SLC12A9: variants seen among roughly 807,000 people sequenced by gnomAD.
The protein encoded by SLC12A9 is CCC-interacting protein 1.
SLC12A9 carries 55 observed loss-of-function variants against 66.0 expected under a neutral mutation model. The ratio of observed to expected loss-of-function variants is 0.83; its 90% CI spans 0.67 to 1.04. SLC12A9 has a LOEUF of 1.04. Ranked by LOEUF, SLC12A9 falls within the 50% of genes least tolerant of loss-of-function variation. SLC12A9 has a pLI of 0.00. For missense variants in SLC12A9, 1,061 were observed against 1,241.9 expected (o/e 0.85, Z 2.19); for synonymous variants, 577 against 569.0 (o/e 1.01, Z -0.20).
chr7:100,860,754 ACT>A (rs1215272766), intron 9 of SLC12A9: 7 of 387,252 alleles, frequency 1.8e-5, no homozygotes, highest in Non-Finnish European at 3.5e-5. Context: ...GTGCACTGGC[ACT>A]CTCTGGGGTT....
chr7:100,850,330 G>A (rs1346717287), upstream of SLC12A9, among the ~76,000 whole-genome samples: 1 of 147,970 alleles, frequency 6.8e-6, no homozygotes, highest in Non-Finnish European at 1.5e-5. Flanking sequence ...TAGGATCATA[G>A]CTCACCACAG....
intron 1 of SLC12A9, among the ~76,000 whole-genome samples, chr7:100,835,045 TTAAAA>T (rs775202397): frequency 1.6e-4 from 24 of 150,958 alleles, no homozygotes; most frequent in Non-Finnish European, 2.1e-4. Context: ...ACAAAAAAAA[TTAAAA>T]TAAACAAACA....
chr7:100,828,663 C>T (rs929627351), intron 1 of SLC12A9, among the ~76,000 whole-genome samples: 2 of 152,118 alleles, frequency 1.3e-5, no homozygotes, highest in Non-Finnish European at 2.9e-5. Context: ...GGGGGCTTCC[C>T]CGCCGCCCGC....
intron 1 of SLC12A9, among the ~76,000 whole-genome samples, chr7:100,836,480 C>G (rs569816936): frequency 4.6e-5 from 7 of 152,100 alleles, no homozygotes; most frequent in Non-Finnish European, 1.0e-4. Context: ...GAAAACCCAC[C>G]CCCCGCTCCA....
intron 1 of SLC12A9, among the ~76,000 whole-genome samples, chr7:100,841,898 A>G (rs1265033692): frequency 2.0e-5 from 3 of 152,188 alleles, no homozygotes; most frequent in Non-Finnish European, 4.4e-5. Context: ...TTTAAAACAA[A>G]AAGACATTTT....
At chr7:100,841,146 ATAAAT>A (rs886409538) in intron 1 of SLC12A9, among the ~76,000 whole-genome samples, 2 of 152,188 alleles carry the variant, frequency 1.3e-5, no homozygotes, top group African/African-American at 4.8e-5. Context: ...TTGTCCTGAA[ATAAAT>A]TAACTGGTTT....
chr7:100,865,345 T>TGGTTTGCACAACAGAGTCAAACTC (rs1454175892), intron 13 of SLC12A9: 1 of 1,536,034 alleles, frequency 6.5e-7, no homozygotes, highest in East Asian at 2.4e-5. Flanking sequence ...TCAGGGTGTC[T>TGGTTTGCACAACAGAGTCAAACTC]GGTTTGCACA....
In SLC12A9 at chr7:100,866,409, G is replaced by C. The variant is rs1474239781; in HGVS notation, c.2549G>C (p.Gly850Ala). 6.5e-7 allele frequency: 1 copy of C among 1,542,918 alleles called. No individual in the cohort carries two copies. Among genetic ancestry groups the C allele is most frequent in the East Asian group, 2.4e-5 (1 of 40,836 alleles). The change falls in exon 14 of 14, where the codon GGA becomes GCA. Residue 850 changes from glycine to alanine, a missense_variant. Transcript: ENST00000354161. This position sits in a 1 kb window ranked among gnomAD's most constrained non-coding sequence, Gnocchi z 7.3. ...LVRAQQGRGT[G>A]GGPGGPEGGD... Reference sequence around the variant, plus strand: ...CGGGCCCAGCAGGGGCGCGGCACAGGAGGAGGGCCGGGTGGGCCGGAGGGT... The same window carrying C: ...CGGGCCCAGCAGGGGCGCGGCACAGCAGGAGGGCCGGGTGGGCCGGAGGGT...
At position 100,857,182 on chromosome 7, in the gene SLC12A9, C is replaced by A; in HGVS notation, c.757+6C>A. Reference sequence around the variant, plus strand: ...CCTGAAGGACAACTTGGGCGGTGAGCTGGGTGCTGCCGTGGCAGGGATCTC... The same window carrying A: ...CCTGAAGGACAACTTGGGCGGTGAGATGGGTGCTGCCGTGGCAGGGATCTC... On this transcript the variant is annotated splice_donor_region_variant and intron_variant, in intron 5 of 13. Coordinates refer to ENST00000354161, the MANE Select transcript of SLC12A9 (RefSeq NM_020246.4). 1.9e-6 allele frequency: 3 copies of A among 1,605,098 alleles called. No homozygotes were observed. In the South Asian group the frequency reaches 3.3e-5, roughly 18 times the overall value.
At chr7:100,829,906 T>C (rs2116487429) in intron 1 of SLC12A9, among the ~76,000 whole-genome samples, 1 of 151,700 alleles carries the variant, frequency 6.6e-6, no homozygotes, top group African/African-American at 2.4e-5. Context: ...CACACACCTG[T>C]AGTCCCAGCT....
At chr7:100,829,110 C>T in intron 1 of SLC12A9, among the ~76,000 whole-genome samples, 1 of 152,026 alleles carries the variant, frequency 6.6e-6, no homozygotes, top group African/African-American at 2.4e-5. Flanking sequence ...GCCTCAGCCT[C>T]CCGAGTAGCT....
At position 100,854,748 on chromosome 7, in the gene SLC12A9, G is replaced by A. The variant is rs767234195; in HGVS notation, c.310G>A (p.Ala104Thr). The A allele has an allele frequency of 3.7e-6, 6 of 1,613,990 alleles. No homozygotes were observed. Among genetic ancestry groups the A allele is most frequent in the Non-Finnish European group, 5.1e-6 (6 of 1,180,020 alleles). Reference sequence around the variant, plus strand: ...CAATGGAGCCGTGCAGGGGGGCGGAGCCTACTGTATCCTCCAACATCGATG... The same window carrying A: ...CAATGGAGCCGTGCAGGGGGGCGGAACCTACTGTATCCTCCAACATCGATG... ...ATNGAVQGGG[A>T]YFMISRTLGP... Residue 104 changes from alanine to threonine, a missense_variant, in exon 3 of 14, where the codon GCC (alanine) becomes ACC (threonine). Ala to Thr is a moderately conservative substitution (Grantham distance 58). Coordinates refer to ENST00000354161, the MANE Select transcript of SLC12A9 (RefSeq NM_020246.4).
chr7:100,843,567 A>G (rs1042864318), intron 1 of SLC12A9, among the ~76,000 whole-genome samples: 3 of 152,250 alleles, frequency 2.0e-5, no homozygotes, highest in South Asian at 2.1e-4. Flanking sequence ...CCAGTGGCCT[A>G]TCTCTCAAAA....
At position 100,865,638 on chromosome 7, in the gene SLC12A9, G is replaced by T. The variant is rs1036611526; in HGVS notation, c.1859-81G>T. 2.7e-5 allele frequency: 42 copies of T among 1,556,024 alleles called. No individual in the cohort carries two copies. The African/African-American group carries it at 5.6e-4, about 21-fold the overall frequency. On this transcript the variant is annotated intron_variant, in intron 13 of 13. Coordinates refer to ENST00000354161, the MANE Select transcript of SLC12A9 (RefSeq NM_020246.4). ...ATACCTATGGCTGACGCACCTTGCT[G>T]TCAGTGTGTGGGAGCGTGGTGTAAA...
In SLC12A9 at chr7:100,854,311, C is replaced by T. The variant is rs1329277414; in HGVS notation, c.114C>T (p.Ser38=). 3.1e-6 allele frequency: 5 copies of T among 1,607,050 alleles called. No homozygotes were observed. The highest frequency in any genetic ancestry group is 4.2e-6 in the Non-Finnish European group (5 of 1,178,238). The change falls in exon 2 of 14, where the codon TCC becomes TCT. Residue 38 remains serine (S), a synonymous_variant. Transcript: ENST00000354161. ...GPGGASARKL[S]TFLGVVVPTV... ...GAGGGGCGTCTGCCCGGAAGCTGTC[C>T]ACCTTCCTGGGTGTGGTGGTGCCCA...
chr7:100,860,166 G>A lies in SLC12A9; in HGVS notation c.1152G>A (p.Pro384=), dbSNP rs771575833. ...TTTTTCTAGGCGTGATCTTGGCACC[G>A]GCCAAGGTTGTGTCCCGAGGGGGAA... ...RDDLFGVILA[P]AKVVSRGGNP... Residue 384 remains proline, a synonymous_variant, in exon 9 of 14, where the codon CCG becomes CCA. Coordinates refer to ENST00000354161, the MANE Select transcript of SLC12A9 (RefSeq NM_020246.4). 7.4e-6 allele frequency: 12 copies of A among 1,614,036 alleles called. No individual in the cohort carries two copies. Among genetic ancestry groups the A allele is most frequent in the East Asian group, 4.5e-5 (2 of 44,898 alleles).
chr7:100,854,664 C>G lies in SLC12A9; in HGVS notation c.226C>G (p.Leu76Val). The G allele has an allele frequency of 6.2e-7, 1 of 1,614,096 alleles. No homozygotes were observed. The highest frequency in any genetic ancestry group is 8.5e-7 in the Non-Finnish European group (1 of 1,180,004). ...HAGLLQALAM[L>V]LVAYFILALT... ...TGGGCTACTGCAGGCCCTGGCCATG[C>G]TGCTGGTTGCCTACTTCATCCTGGC... The change falls in exon 3 of 14, where the codon CTG (leucine) becomes GTG (valine). Residue 76 changes from leucine (L) to valine (V), a missense_variant. Coordinates refer to ENST00000354161, the MANE Select transcript of SLC12A9 (RefSeq NM_020246.4).
chr7:100,851,212 G>C (rs943625343), upstream of SLC12A9, among the ~76,000 whole-genome samples: 2 of 152,032 alleles, frequency 1.3e-5, no homozygotes, highest in East Asian at 3.9e-4. Flanking sequence ...CTGACTTACT[G>C]TTTTAACAAG....
chr7:100,837,081 T>C (rs1451054506), intron 1 of SLC12A9, among the ~76,000 whole-genome samples: 1 of 152,134 alleles, frequency 6.6e-6, no homozygotes, highest in Admixed American at 6.5e-5. Context: ...TCTCAGATAC[T>C]GAATCCCACG....
Sources: gnomAD v4.1 joint callset for allele counts (sites outside exome capture counted in the v4.1 genomes callset) on GRCh38, gnomAD v4.1.1 for gene constraint, Gnocchi (gnomAD v3.1) non-coding constraint, MANE v1.5 for transcripts, NCBI Gene and HGNC (gene_info 2026-07-23, HGNC 2026-07-21) for gene names.